PRKG1: variants seen among roughly 807,000 people sequenced by gnomAD.
The protein encoded by PRKG1 is protein kinase cGMP-dependent 1.
A neutral mutation model predicts 88.1 loss-of-function variants in PRKG1; 35 were observed. The observed-to-expected ratio is 0.40, with a 90% confidence interval of 0.30 to 0.53. The LOEUF is 0.53. Ranked by LOEUF, PRKG1 falls within the 20% of genes least tolerant of loss-of-function variation. The probability of loss-of-function intolerance (pLI) is 0.59; values close to 1 mark genes in which losing one functional copy is unlikely to be tolerated. For synonymous variants in PRKG1, 303 were observed against 292.5 expected (o/e 1.04, Z -0.37); for missense variants, 540 against 839.8 (o/e 0.64, Z 4.41).
chr10:51,720,716 G>A lies in PRKG1; in HGVS notation c.593-83869G>A, dbSNP rs141112455. ...TTGCCAAAGTCCACAAAATTAGCAA[G>A]TGACACAGCAGAGCTTTAAATTATA... On this transcript the variant is annotated intron_variant, in intron 3 of 17. Coordinates refer to ENST00000373980, the MANE Select transcript of PRKG1 (RefSeq NM_006258.4). 4.4e-3 allele frequency among the ~76,000 whole-genome samples: 672 copies of A among 152,286 alleles called. 2 individuals carry two copies. The highest frequency in any genetic ancestry group is 0.016 in the African/African-American group (650 of 41,552).
At chr10:52,207,349 G>T (rs1839846866) in intron 9 of PRKG1, among the ~76,000 whole-genome samples, 1 of 152,104 alleles carries the variant, frequency 6.6e-6, no homozygotes, top group Admixed American at 6.5e-5. Context: ...CCTCCAGGAA[G>T]CACCCTGGTT....
intron 2 of PRKG1, among the ~76,000 whole-genome samples, chr10:51,415,031 A>G (rs1022662974): frequency 3.9e-5 from 6 of 152,230 alleles, no homozygotes; most frequent in Admixed American, 2.0e-4. Flanking sequence ...TATTACAACA[A>G]TCTTATAAAA....
intron 5 of PRKG1, among the ~76,000 whole-genome samples, chr10:51,922,855 A>C (rs1842491073): frequency 6.6e-6 from 1 of 152,008 alleles, no homozygotes; most frequent in African/African-American, 2.4e-5. Context: ...ACCTGAATAA[A>C]ATGTGTATTC....
intron 2 of PRKG1, among the ~76,000 whole-genome samples, chr10:51,452,298 T>C (rs1197275620): frequency 1.3e-5 from 2 of 151,884 alleles, no homozygotes; most frequent in Admixed American, 1.3e-4. Context: ...AATGGAATTA[T>C]ATTGCTCTGG....
chr10:52,051,373 G>A (rs1348564805), intron 5 of PRKG1, among the ~76,000 whole-genome samples: 2 of 152,034 alleles, frequency 1.3e-5, no homozygotes, highest in Non-Finnish European at 2.9e-5. Flanking sequence ...CTGAATATTG[G>A]TGACCTCTTT....
intron 9 of PRKG1, among the ~76,000 whole-genome samples, chr10:52,222,692 G>T (rs1434335556): frequency 6.6e-6 from 1 of 152,102 alleles, no homozygotes; most frequent in Non-Finnish European, 1.5e-5. Context: ...TTCCCCTGGG[G>T]GATGTAGTCA....
At chr10:51,871,960 A>G in intron 4 of PRKG1, among the ~76,000 whole-genome samples, 1 of 152,164 alleles carries the variant, frequency 6.6e-6, no homozygotes, top group South Asian at 2.1e-4. Flanking sequence ...GAAAGGATAA[A>G]AGTTGTATTT....
chr10:51,893,793 C>T (rs760971057), intron 4 of PRKG1, among the ~76,000 whole-genome samples: 9 of 152,134 alleles, frequency 5.9e-5, no homozygotes, highest in African/African-American at 1.7e-4. Flanking sequence ...GGAAGCTTCT[C>T]GGCTTTAAGT....
intron 9 of PRKG1, among the ~76,000 whole-genome samples, chr10:52,228,985 T>C (rs1393479494): frequency 2.0e-5 from 3 of 152,230 alleles, no homozygotes; most frequent in Admixed American, 2.0e-4. Flanking sequence ...CAAGTTATAT[T>C]AATTGCATAT....
chr10:52,008,623 C>A (rs1417790399), intron 5 of PRKG1, among the ~76,000 whole-genome samples: 1 of 152,048 alleles, frequency 6.6e-6, no homozygotes. Context: ...AAAGTTGAAT[C>A]AATAATAAAA....
At position 52,041,145 on chromosome 10, in the gene PRKG1, A is replaced by G. The variant is rs186507457; in HGVS notation, c.763-13339A>G. On this transcript the variant is annotated intron_variant, in intron 5 of 17. Coordinates refer to ENST00000373980, the MANE Select transcript of PRKG1 (RefSeq NM_006258.4). ...TGAGTCACCACTTGTACTGAGGTAC[A>G]TATCTTCTGTGCCTAATTTGTTTAG... 6.7e-4 allele frequency among the ~76,000 whole-genome samples: 102 copies of G among 152,248 alleles called. No individual in the cohort carries two copies. The Middle Eastern group carries it at 0.017, about 25-fold the overall frequency.
At chr10:51,001,585 AAAG>A (rs1842890005) in intron 1 of PRKG1, among the ~76,000 whole-genome samples, 1 of 152,214 alleles carries the variant, frequency 6.6e-6, no homozygotes, top group Admixed American at 6.5e-5. Flanking sequence ...TATAAGGAGA[AAAG>A]AAGTATATTA....
intron 5 of PRKG1, among the ~76,000 whole-genome samples, chr10:52,021,991 CAG>C (rs1845198530): frequency 1.3e-5 from 2 of 152,132 alleles, no homozygotes; most frequent in African/African-American, 4.8e-5. Flanking sequence ...ATTTGCTATG[CAG>C]ACAGTCCTCA....
chr10:51,975,276 G>A (rs186735019), intron 5 of PRKG1, among the ~76,000 whole-genome samples: 6 of 152,064 alleles, frequency 3.9e-5, no homozygotes, highest in East Asian at 1.9e-4. Flanking sequence ...TGAGTCTCTC[G>A]TGTAGACCAA....
intron 2 of PRKG1, among the ~76,000 whole-genome samples, chr10:51,371,518 T>A (rs964023228): frequency 3.9e-5 from 6 of 152,084 alleles, no homozygotes; most frequent in African/African-American, 1.4e-4. Flanking sequence ...TAAAAAGACA[T>A]GTAGTGCTGT....
chr10:51,212,957 A>G (rs570118285), intron 2 of PRKG1, among the ~76,000 whole-genome samples: 1 of 152,200 alleles, frequency 6.6e-6, no homozygotes, highest in Non-Finnish European at 1.5e-5. Context: ...CAGCCATGCC[A>G]TTACTGGGTA....
intron 2 of PRKG1, among the ~76,000 whole-genome samples, chr10:51,254,221 T>C (rs1839498698): frequency 6.6e-6 from 1 of 151,992 alleles, no homozygotes; most frequent in South Asian, 2.1e-4. Context: ...CTTGTAAGTA[T>C]TCTAACATAA....
intron 2 of PRKG1, among the ~76,000 whole-genome samples, chr10:51,261,192 A>G (rs1334255192): frequency 1.3e-5 from 2 of 152,204 alleles, no homozygotes. Flanking sequence ...AAGTTTTAGT[A>G]TTATTATTTT....
intron 10 of PRKG1, among the ~76,000 whole-genome samples, chr10:52,259,095 A>G (rs1841373672): frequency 1.3e-5 from 2 of 149,674 alleles, no homozygotes; most frequent in Admixed American, 6.7e-5. Context: ...ATGATTGTTT[A>G]TATTCTTTAA....
Sources: allele counts gnomAD v4.1 joint callset (sites outside exome capture counted in the v4.1 genomes callset), GRCh38; gene constraint gnomAD v4.1.1; transcripts MANE v1.5; gene names NCBI Gene and HGNC (gene_info 2026-07-23, HGNC 2026-07-21).